Variants in TMEM232 observed in about 807,000 individuals in gnomAD.
TMEM232 encodes transmembrane protein 232.
TMEM232 carries 80 observed loss-of-function variants against 78.8 expected under a neutral mutation model. That is an observed-to-expected ratio of 1.01 (90% CI 0.85 to 1.22). The LOEUF is 1.22. Among genes scored for constraint, TMEM232 ranks in the 50% most tolerant of loss-of-function variants. TMEM232 has a pLI of 0.00. For synonymous variants in TMEM232, 297 were observed against 254.3 expected (o/e 1.17, Z -1.60); for missense variants, 881 against 742.2 (o/e 1.19, Z -2.17).
Position 110,465,743 on chromosome 5 carries a change from T to C in TMEM232, c.1704-40827A>G, listed in dbSNP as rs77069409. Among the ~76,000 whole-genome samples, 1,466 of 152,284 alleles carry C rather than the reference T, an allele frequency of 9.6e-3. 7 individuals are homozygous for C. Among genetic ancestry groups the C allele is most frequent in the Non-Finnish European group, 0.015 (1,027 of 68,006 alleles). ...ATAAAAGTAAAAAATTGGGTGTTAC[T>C]AATGGCCAATAATAGAGAATTGGTA... On this transcript the variant is annotated intron_variant, in intron 12 of 13. Transcript: ENST00000455884.
chr5:110,421,416 AATATAT>A lies in TMEM232; in HGVS notation c.1798-666_1798-661del, dbSNP rs898036917. 2.7e-5 allele frequency among the ~76,000 whole-genome samples: 4 copies of A among 150,118 alleles called. No individual in the cohort carries two copies. In the South Asian group the frequency reaches 6.3e-4, roughly 24 times the overall value. ...TAATCAATCAAACATCATCATGAAA[AATATAT>A]ATATATATATAATTAGGAGGAACTT... On this transcript the variant is annotated intron_variant, in intron 13 of 13. Transcript: ENST00000455884.
At chr5:110,463,964 C>T (rs972246972) in intron 12 of TMEM232, among the ~76,000 whole-genome samples, 3 of 152,220 alleles carry the variant, frequency 2.0e-5, no homozygotes, top group African/African-American at 7.2e-5. Context: ...ATTTGAAATA[C>T]TCATCTTCCA....
intron 1 of TMEM232, among the ~76,000 whole-genome samples, chr5:110,682,020 C>T (rs755158139): frequency 2.0e-5 from 3 of 152,112 alleles, no homozygotes; most frequent in African/African-American, 2.4e-5. Flanking sequence ...AAAATTTTAA[C>T]TTCTTCTGCT....
intron 1 of TMEM232, among the ~76,000 whole-genome samples, chr5:110,694,309 C>A (rs12654364): frequency 0.074 from 11,313 of 152,120 alleles, 519 homozygotes; most frequent in South Asian, 0.18. Context: ...AGGAAGCACT[C>A]AACATGGAAA....
At chr5:110,407,788 C>T (rs1448548874) in intron 2 of TMEM232, among the ~76,000 whole-genome samples, 1 of 152,036 alleles carries the variant, frequency 6.6e-6, no homozygotes, top group Non-Finnish European at 1.5e-5. Flanking sequence ...CAAAACAAGC[C>T]TGTACAAATT....
At chr5:110,531,960 C>G (rs937274520) in intron 11 of TMEM232, among the ~76,000 whole-genome samples, 3 of 152,166 alleles carry the variant, frequency 2.0e-5, no homozygotes, top group Admixed American at 2.0e-4. Context: ...TTAACCTTGC[C>G]TTCAAAGTGT....
intron 12 of TMEM232, among the ~76,000 whole-genome samples, chr5:110,508,558 C>T (rs1350433796): frequency 1.3e-5 from 2 of 151,150 alleles, no homozygotes; most frequent in African/African-American, 4.8e-5. Context: ...TCCTTCTGGT[C>T]ATTAGTATTC....
chr5:110,394,651 A>G (rs1262417250), intron 3 of TMEM232, among the ~76,000 whole-genome samples: 5 of 152,174 alleles, frequency 3.3e-5, no homozygotes, highest in Admixed American at 2.0e-4. Flanking sequence ...GTTTGTTTCA[A>G]GAAAATTTTT....
intron 7 of TMEM232, among the ~76,000 whole-genome samples, chr5:110,620,579 C>CTCTCTA (rs1169993479): frequency 0.019 from 38 of 1,958 alleles, no homozygotes; most frequent in African/African-American, 0.025. Flanking sequence ...TCTCTCATAT[C>CTCTCTA]TCTCTCTCTC....
chr5:110,683,161 T>A (rs533597167), intron 1 of TMEM232, among the ~76,000 whole-genome samples: 3 of 152,252 alleles, frequency 2.0e-5, no homozygotes, highest in Non-Finnish European at 2.9e-5. Context: ...ATTATATAAA[T>A]GGACTAAGCA....
At chr5:110,612,434 T>C (rs1013683431) in intron 8 of TMEM232, among the ~76,000 whole-genome samples, 4 of 152,100 alleles carry the variant, frequency 2.6e-5, no homozygotes, top group Non-Finnish European at 5.9e-5. Flanking sequence ...AAACCTACAT[T>C]GACATTTCAG....
intron 2 of TMEM232, among the ~76,000 whole-genome samples, chr5:110,403,785 G>T (rs1755690814): frequency 1.3e-5 from 2 of 152,034 alleles, no homozygotes; most frequent in East Asian, 1.9e-4. Context: ...GGGCCCATCA[G>T]GGAGAGTTGA....
chr5:110,684,941 A>C (rs1030293511), intron 1 of TMEM232: 1 of 152,024 alleles, frequency 6.6e-6, no homozygotes, highest in Non-Finnish European at 1.5e-5. Flanking sequence ...AATTTCTAAA[A>C]CTTGATCACA....
intron 12 of TMEM232, among the ~76,000 whole-genome samples, chr5:110,485,125 A>C (rs1561554284): frequency 6.6e-6 from 1 of 152,160 alleles, no homozygotes; most frequent in Non-Finnish European, 1.5e-5. Context: ...CAGGAATCCT[A>C]CTACCCAGAA....
chr5:110,466,516 G>A (rs1224658294), intron 12 of TMEM232, among the ~76,000 whole-genome samples: 2 of 151,896 alleles, frequency 1.3e-5, no homozygotes, highest in Admixed American at 1.3e-4. Flanking sequence ...ACAGAGTTAA[G>A]TAACTTTATT....
At chr5:110,393,386 A>G (rs1342860705) in intron 3 of TMEM232, among the ~76,000 whole-genome samples, 2 of 152,208 alleles carry the variant, frequency 1.3e-5, no homozygotes, top group African/African-American at 2.4e-5. Flanking sequence ...CCTCTTCATC[A>G]TCATGTAATA....
intron 12 of TMEM232, among the ~76,000 whole-genome samples, chr5:110,460,292 AGT>A (rs112235101): frequency 0.075 from 11,213 of 149,216 alleles, 1,218 homozygotes; most frequent in African/African-American, 0.24. Context: ...TGTATAAGTA[AGT>A]GTGTGTGTGT....
At chr5:110,440,741 A>AGG (rs1200494245) in intron 12 of TMEM232, among the ~76,000 whole-genome samples, 12 of 152,284 alleles carry the variant, frequency 7.9e-5, no homozygotes, top group Non-Finnish European at 2.9e-5. Flanking sequence ...TCCTCAGTGT[A>AGG]TTGAGGCAAC....
intron 2 of TMEM232, among the ~76,000 whole-genome samples, chr5:110,406,265 T>TACACACACACACACACAC (rs70999966): frequency 2.8e-5 from 4 of 143,584 alleles, no homozygotes; most frequent in East Asian, 2.0e-4. Context: ...CAGATATATA[T>TACACACACACACACACAC]ACACACACAC....
Sources: allele counts gnomAD v4.1 joint callset (sites outside exome capture counted in the v4.1 genomes callset), GRCh38; gene constraint gnomAD v4.1.1; transcripts MANE v1.5; gene names NCBI Gene and HGNC (gene_info 2026-07-23, HGNC 2026-07-21).